ATP9B: variants seen among roughly 807,000 people sequenced by gnomAD.
ATP9B encodes ATPase phospholipid transporting 9B.
A neutral mutation model predicts 146.1 loss-of-function variants in ATP9B; 110 were observed. The ratio of observed to expected loss-of-function variants is 0.75; its 90% CI spans 0.65 to 0.88. ATP9B has a LOEUF of 0.88. Ranked by LOEUF, ATP9B falls within the 40% of genes least tolerant of loss-of-function variation. The probability of loss-of-function intolerance (pLI) is 0.00; values close to 1 mark genes in which losing one functional copy is unlikely to be tolerated. For missense variants in ATP9B, 1,499 were observed against 1,496.4 expected (o/e 1.00, Z -0.03); for synonymous variants, 604 against 569.7 (o/e 1.06, Z -0.86).
intron 1 of ATP9B, among the ~76,000 whole-genome samples, chr18:79,093,733 C>G (rs956253194): frequency 1.3e-5 from 2 of 152,126 alleles, no homozygotes; most frequent in African/African-American, 4.8e-5. Flanking sequence ...CACACACCCC[C>G]TCCCCCATCT....
At chr18:79,269,716 T>C (rs1411402652) in intron 12 of ATP9B, among the ~76,000 whole-genome samples, 4 of 152,256 alleles carry the variant, frequency 2.6e-5, no homozygotes, top group African/African-American at 9.6e-5. Context: ...GTTCATTTCC[T>C]AAGACATACA....
chr18:79,278,551 T>C (rs1328670279), intron 13 of ATP9B, among the ~76,000 whole-genome samples: 1 of 152,138 alleles, frequency 6.6e-6, no homozygotes, highest in African/African-American at 2.4e-5. Context: ...GGAGTCTCTG[T>C]TTTGGAAGTC....
chr18:79,083,865 CTT>C (rs60063648), intron 1 of ATP9B, among the ~76,000 whole-genome samples: 20 of 139,210 alleles, frequency 1.4e-4, no homozygotes, highest in Admixed American at 2.2e-4. Context: ...CCATCTTCTT[CTT>C]TTTTTTTTTT....
chr18:79,326,996 A>T (rs2147021513), intron 15 of ATP9B, among the ~76,000 whole-genome samples: 1 of 152,344 alleles, frequency 6.6e-6, no homozygotes, highest in Middle Eastern at 3.4e-3. Context: ...GCAGAGGTGC[A>T]GCCATTTGCC....
intron 11 of ATP9B, among the ~76,000 whole-genome samples, chr18:79,215,527 C>T (rs1226589693): frequency 6.6e-6 from 1 of 151,972 alleles, no homozygotes; most frequent in African/African-American, 2.4e-5. Flanking sequence ...CAGTTTGACT[C>T]TAATTTGCAT....
At chr18:79,363,526 G>A (rs9675826) in intron 26 of ATP9B, 1 of 152,148 alleles carries the variant, frequency 6.6e-6, no homozygotes, top group Non-Finnish European at 1.5e-5. Context: ...GGATTGAGAG[G>A]CGTAAACTGA....
intron 25 of ATP9B, chr18:79,352,561 C>G (rs1350126448): frequency 6.6e-6 from 1 of 152,238 alleles, no homozygotes; most frequent in African/African-American, 2.4e-5. Context: ...TCTCCCACAT[C>G]TAGAACGAAC....
chr18:79,130,429 A>AAT (rs2147244461), intron 5 of ATP9B, among the ~76,000 whole-genome samples: 1 of 151,808 alleles, frequency 6.6e-6, no homozygotes, highest in East Asian at 1.9e-4. Flanking sequence ...ATGGGAAAAA[A>AAT]AAAACAAAAC....
In ATP9B at chr18:79,329,182, G is replaced by C; in HGVS notation, c.1815G>C (p.Leu605=). 2 of 1,611,218 alleles carry C rather than the reference G, an allele frequency of 1.2e-6. No individual in the cohort carries two copies. Among genetic ancestry groups the C allele is most frequent in the Non-Finnish European group, 1.7e-6 (2 of 1,179,430 alleles). The change falls in exon 16 of 30, where the codon CTG becomes CTC. Residue 605 remains leucine, a synonymous_variant. Transcript: ENST00000426216. Reference sequence around the variant, plus strand: ...GGACAGAGAGTGTGGGCCTCACGCTGGTCAGCAGGGACCTCACCTCCATGC... The same window carrying C: ...GGACAGAGAGTGTGGGCCTCACGCTCGTCAGCAGGGACCTCACCTCCATGC... ...VQWTESVGLT[L]VSRDLTSMQL...
At chr18:79,355,148 A>G (rs372164048) in intron 25 of ATP9B, among the ~76,000 whole-genome samples, 7 of 152,212 alleles carry the variant, frequency 4.6e-5, no homozygotes, top group Non-Finnish European at 7.3e-5. Flanking sequence ...AGCAGCAAAA[A>G]CAGCGCCCTC....
In ATP9B at chr18:79,080,456, G is replaced by A. The variant is rs987099656; in HGVS notation, c.119+10927G>A. Among the ~76,000 whole-genome samples, 11 of 151,868 alleles carry A rather than the reference G, an allele frequency of 7.2e-5. No individual in the cohort carries two copies. In the East Asian group the frequency reaches 2.1e-3, roughly 29 times the overall value. ...TGGCTCTTTGTCTATTGGTGTATAGGAATGCCTGTGATTTTTGCACATTGA... is the reference window on the plus strand; with the variant it reads ...TGGCTCTTTGTCTATTGGTGTATAGAAATGCCTGTGATTTTTGCACATTGA... On this transcript the variant is annotated intron_variant, in intron 1 of 29. Transcript: ENST00000426216.
rs368703395 is a variant in ATP9B at position 79,120,443 on chromosome 18, A to G, written c.559-5824A>G. On this transcript the variant is annotated intron_variant, in intron 4 of 29. Coordinates refer to ENST00000426216, the MANE Select transcript of ATP9B (RefSeq NM_198531.5). ...GAAAACAATGATAGCTTAATTAATA[A>G]TATTTCTTTTTCAGTTGCTTTTGGT... is the stretch of plus-strand genomic sequence containing the variant. 2.6e-5 allele frequency among the ~76,000 whole-genome samples: 4 copies of G among 152,332 alleles called. No homozygotes were observed. In the East Asian group the frequency reaches 7.7e-4, roughly 29 times the overall value.
rs141438043 is a variant in ATP9B at position 79,178,460 on chromosome 18, C to T, written c.873+1553C>T. On this transcript the variant is annotated intron_variant, in intron 8 of 29. Coordinates refer to ENST00000426216, the MANE Select transcript of ATP9B (RefSeq NM_198531.5). ...TTTGGTGATGTGTCCTGTTGACAGT[C>T]TCGGAGCAAAAGCATTCCGCCTTGA... is the stretch of plus-strand genomic sequence containing the variant. 6.6e-3 allele frequency among the ~76,000 whole-genome samples: 997 copies of T among 152,190 alleles called. 11 individuals carry two copies. The highest frequency in any genetic ancestry group is 0.023 in the African/African-American group (955 of 41,526).
At chr18:79,209,659 G>A in intron 10 of ATP9B, 3 of 985,368 alleles carry the variant, frequency 3.0e-6, no homozygotes, top group Non-Finnish European at 3.6e-6. Flanking sequence ...AGCATTCAGT[G>A]TTGTGTCTTC....
At chr18:79,338,323 T>C (rs1474121957) in intron 19 of ATP9B, among the ~76,000 whole-genome samples, 2 of 152,154 alleles carry the variant, frequency 1.3e-5, no homozygotes, top group Non-Finnish European at 2.9e-5. Flanking sequence ...TTGTCCTCCC[T>C]CTGGCTCTTT....
intron 7 of ATP9B, among the ~76,000 whole-genome samples, chr18:79,165,069 G>A (rs75541767): frequency 0.017 from 2,645 of 152,216 alleles, 37 homozygotes; most frequent in Non-Finnish European, 0.027. Flanking sequence ...ACCATGATAC[G>A]AGTTCCCAGT....
At chr18:79,215,367 G>C (rs913696835) in intron 11 of ATP9B, among the ~76,000 whole-genome samples, 5 of 152,106 alleles carry the variant, frequency 3.3e-5, no homozygotes, top group African/African-American at 1.2e-4. Flanking sequence ...TGTGCACACG[G>C]AGAATCCAGT....
intron 11 of ATP9B, among the ~76,000 whole-genome samples, chr18:79,218,816 A>G (rs2095652528): frequency 6.6e-6 from 1 of 152,252 alleles, no homozygotes. Context: ...TTCATTGGCC[A>G]GAACAATTAA....
Position 79,069,562 on chromosome 18 carries a change from C to T in ATP9B, c.119+33C>T, listed in dbSNP as rs772616643. On this transcript the variant is annotated intron_variant, in intron 1 of 29. Coordinates refer to ENST00000426216, the MANE Select transcript of ATP9B (RefSeq NM_198531.5). ...AGGCGGCACTGGCCCCGTTCCCCGCCGACGCTCCCCGGGGCCCCCAGCCCA... is the reference window on the plus strand; with the variant it reads ...AGGCGGCACTGGCCCCGTTCCCCGCTGACGCTCCCCGGGGCCCCCAGCCCA... 8.9e-5 allele frequency: 112 copies of T among 1,263,854 alleles called. 1 individual carries two copies. Among genetic ancestry groups the T allele is most frequent in the South Asian group, 5.2e-4 (23 of 44,000 alleles). 78.3% of individuals were successfully genotyped at this position (1,263,854 alleles called of 1,614,324 possible).
Sources: allele counts gnomAD v4.1 joint callset (sites outside exome capture counted in the v4.1 genomes callset), GRCh38; gene constraint gnomAD v4.1.1; transcripts MANE v1.5; gene names NCBI Gene and HGNC (gene_info 2026-07-23, HGNC 2026-07-21).